COG5: variants seen among roughly 807,000 people sequenced by gnomAD.
COG5 encodes conserved oligomeric Golgi complex subunit 5.
COG5 carries 86 observed loss-of-function variants against 110.4 expected under a neutral mutation model. That is an observed-to-expected ratio of 0.78 (90% CI 0.65 to 0.93). COG5 has a LOEUF of 0.93. Among genes scored for constraint, COG5 ranks in the 40% least tolerant of loss-of-function variants. The pLI is 0.00. For synonymous variants in COG5, 360 were observed against 334.6 expected, an observed-to-expected ratio of 1.08 and a Z score of -0.83; for missense variants, 1,077 against 987.0, an observed-to-expected ratio of 1.09 and a Z score of -1.22.
chr7:107,229,557 C>T (rs899474278), intron 19 of COG5, among the ~76,000 whole-genome samples: 3 of 152,110 alleles, frequency 2.0e-5, no homozygotes, highest in Non-Finnish European at 4.4e-5. Context: ...TTCTAAAAAT[C>T]GGCTAGTAAA....
chr7:107,221,696 C>G (rs1373600480), intron 19 of COG5, among the ~76,000 whole-genome samples: 2 of 148,412 alleles, frequency 1.3e-5, no homozygotes, highest in Non-Finnish European at 3.0e-5. Flanking sequence ...ACCTGGGAGG[C>G]AGAGCTTGCA....
intron 14 of COG5, among the ~76,000 whole-genome samples, chr7:107,273,279 T>G (rs545569759): frequency 1.1e-4 from 17 of 152,320 alleles, no homozygotes; most frequent in African/African-American, 3.1e-4. Context: ...CTTTCGATCT[T>G]ATTATGAGTA....
intron 21 of COG5, chr7:107,210,275 G>T: frequency 7.2e-7 from 1 of 1,387,160 alleles, no homozygotes; most frequent in Non-Finnish European, 9.3e-7. Flanking sequence ...TGGTCCTTAG[G>T]GTTGCATGGG....
chr7:107,507,216 T>C (rs1799081216), intron 6 of COG5, among the ~76,000 whole-genome samples: 2 of 152,236 alleles, frequency 1.3e-5, no homozygotes. Context: ...TGCAGCTTCT[T>C]TCAAAGCTCA....
chr7:107,393,664 G>A (rs556596674), intron 7 of COG5, among the ~76,000 whole-genome samples: 3 of 152,222 alleles, frequency 2.0e-5, no homozygotes, highest in Admixed American at 1.3e-4. Context: ...GACTTTACAC[G>A]ATCTCCAGAT....
At chr7:107,513,988 T>C (rs1799732843) in intron 6 of COG5, among the ~76,000 whole-genome samples, 2 of 152,028 alleles carry the variant, frequency 1.3e-5, no homozygotes, top group South Asian at 4.1e-4. Context: ...ACATGGCACA[T>C]GTATACATAT....
chr7:107,474,264 G>C lies in COG5; in HGVS notation c.538+52973C>G. The C allele has an allele frequency of 1.9e-6, 3 of 1,612,456 alleles. No individual in the cohort carries two copies. The highest frequency in any genetic ancestry group is 2.5e-6 in the Non-Finnish European group (3 of 1,178,776). ...TCACTGTATTGGTACTTTACTGCATGAAATCCAACTTAATCAACTCTGTCA... is the reference window on the plus strand; with the variant it reads ...TCACTGTATTGGTACTTTACTGCATCAAATCCAACTTAATCAACTCTGTCA... On this transcript the variant is annotated intron_variant, in intron 6 of 21. Coordinates refer to ENST00000297135, the MANE Select transcript of COG5 (RefSeq NM_006348.5). This position sits in a 1 kb window ranked among gnomAD's most constrained non-coding sequence, Gnocchi z 5.7.
intron 6 of COG5, among the ~76,000 whole-genome samples, chr7:107,512,628 G>A: frequency 6.6e-6 from 1 of 151,974 alleles, no homozygotes; most frequent in Non-Finnish European, 1.5e-5. Flanking sequence ...GAGGCATCAT[G>A]CTACCTGACT....
chr7:107,558,930 A>AAAAAC (rs1803553384), intron 1 of COG5, among the ~76,000 whole-genome samples: 1 of 140,166 alleles, frequency 7.1e-6, no homozygotes, highest in Non-Finnish European at 1.6e-5. Context: ...AAAAAAAAAA[A>AAAAAC]AAAAACCATA....
intron 6 of COG5, among the ~76,000 whole-genome samples, chr7:107,487,107 A>C (rs1797700229): frequency 6.6e-6 from 1 of 152,172 alleles, no homozygotes; most frequent in Non-Finnish European, 1.5e-5. Flanking sequence ...AAACTTCTAA[A>C]ATTAAACCTA....
intron 5 of COG5, among the ~76,000 whole-genome samples, chr7:107,537,408 C>T (rs148311855): frequency 0.011 from 1,716 of 152,120 alleles, 19 homozygotes; most frequent in Non-Finnish European, 0.015. Flanking sequence ...ACTATGCAGC[C>T]ATAAAAAAGA....
intron 11 of COG5, among the ~76,000 whole-genome samples, chr7:107,299,981 A>G (rs1416459351): frequency 4.6e-5 from 7 of 150,800 alleles, no homozygotes; most frequent in Non-Finnish European, 1.0e-4. Context: ...TTGGCCTCCC[A>G]AAGTGTTGGG....
At chr7:107,263,938 G>C (rs1054481721) in intron 14 of COG5, among the ~76,000 whole-genome samples, 1 of 152,138 alleles carries the variant, frequency 6.6e-6, no homozygotes, top group African/African-American at 2.4e-5. Context: ...GACAATTCAA[G>C]GGATGAGTTG....
At chr7:107,382,592 C>G (rs1359287147) in intron 7 of COG5, among the ~76,000 whole-genome samples, 2 of 152,158 alleles carry the variant, frequency 1.3e-5, no homozygotes, top group Non-Finnish European at 2.9e-5. Flanking sequence ...TGCCCACCAC[C>G]ACGCCCAGCT....
At chr7:107,512,040 G>C (rs1009190225) in intron 6 of COG5, among the ~76,000 whole-genome samples, 3 of 151,982 alleles carry the variant, frequency 2.0e-5, no homozygotes, top group African/African-American at 4.8e-5. Flanking sequence ...TGGAAGTTCT[G>C]GCCAGGGCAA....
At chr7:107,217,097 T>C (rs1177263196) in intron 19 of COG5, among the ~76,000 whole-genome samples, 2 of 152,092 alleles carry the variant, frequency 1.3e-5, no homozygotes. Context: ...ACAAATCATA[T>C]GGCCACAAAT....
chr7:107,352,521 A>C (rs1040145143), intron 10 of COG5, among the ~76,000 whole-genome samples: 1 of 144,258 alleles, frequency 6.9e-6, no homozygotes, highest in Non-Finnish European at 1.5e-5. Context: ...AAAACAAAAA[A>C]AAAACCAGAA....
intron 6 of COG5, among the ~76,000 whole-genome samples, chr7:107,483,628 T>C (rs937717235): frequency 6.6e-6 from 1 of 151,444 alleles, no homozygotes; most frequent in Non-Finnish European, 1.5e-5. Context: ...CGCTTGAACC[T>C]GGGAGGCAAA....
rs1271250657 is a variant in COG5, at chr7:107,323,684, G to C, written c.1108+756C>G. ...ACATACTTCATTAGAAATAAGTAGAGAGACAAGCAGACTAGTTTATTTAAC... is the reference window on the plus strand; with the variant it reads ...ACATACTTCATTAGAAATAAGTAGACAGACAAGCAGACTAGTTTATTTAAC... On this transcript the variant is annotated intron_variant, in intron 11 of 21. Transcript: ENST00000297135. Among the ~76,000 whole-genome samples, 6 of 152,194 alleles carry C rather than the reference G, an allele frequency of 3.9e-5. No homozygotes were observed. In the South Asian group the frequency reaches 8.3e-4, roughly 21 times the overall value.
Sources: allele counts gnomAD v4.1 joint callset (sites outside exome capture counted in the v4.1 genomes callset), GRCh38; gene constraint gnomAD v4.1.1; non-coding constraint Gnocchi (gnomAD v3.1); transcripts MANE v1.5; gene names NCBI Gene and HGNC (gene_info 2026-07-23, HGNC 2026-07-21).